The following CCDC60 variants were observed in gnomAD, a reference collection of about 807,000 sequenced individuals.
CCDC60 encodes the protein coiled-coil domain-containing protein 60.
A neutral mutation model predicts 63.5 loss-of-function variants in CCDC60; 54 were observed. That is an observed-to-expected ratio of 0.85 (90% CI 0.68 to 1.07). The LOEUF (loss-of-function observed/expected upper bound fraction) is 1.07. Among genes scored for constraint, CCDC60 ranks in the 50% least tolerant of loss-of-function variants. The probability of loss-of-function intolerance (pLI) is 0.00; values close to 1 mark genes in which losing one functional copy is unlikely to be tolerated. For missense variants in CCDC60, 651 were observed against 684.3 expected, an observed-to-expected ratio of 0.95 and a Z score of 0.54; for synonymous variants, 206 against 238.8, an observed-to-expected ratio of 0.86 and a Z score of 1.27.
At chr12:119,374,411 T>C (rs556805031) in intron 1 of CCDC60, among the ~76,000 whole-genome samples, 89 of 152,284 alleles carry the variant, frequency 5.8e-4, no homozygotes, top group Admixed American at 1.1e-3. Flanking sequence ...TTGCTCAACT[T>C]CAGAGGTAGT....
chr12:119,396,709 G>GTCTC, intron 1 of CCDC60, among the ~76,000 whole-genome samples: 1 of 152,288 alleles, frequency 6.6e-6, no homozygotes, highest in African/African-American at 2.4e-5. Flanking sequence ...GCAAGACCCA[G>GTCTC]TCTCTACAAA....
At chr12:119,490,185 C>CAACCCCCA (rs1284774639) in intron 5 of CCDC60, among the ~76,000 whole-genome samples, 1 of 152,166 alleles carries the variant, frequency 6.6e-6, no homozygotes, top group Non-Finnish European at 1.5e-5. Flanking sequence ...TCTCTTACAC[C>CAACCCCCA]AGGACCCAGA....
At chr12:119,448,665 C>T (rs1156689571) in intron 2 of CCDC60, among the ~76,000 whole-genome samples, 1 of 151,964 alleles carries the variant, frequency 6.6e-6, no homozygotes, top group East Asian at 1.9e-4. Flanking sequence ...ACAAGAATGG[C>T]GGTGGGGAGG....
intron 5 of CCDC60, among the ~76,000 whole-genome samples, chr12:119,493,584 C>A (rs923788926): frequency 3.3e-5 from 5 of 151,826 alleles, no homozygotes; most frequent in African/African-American, 1.2e-4. Flanking sequence ...GCAATTTAAA[C>A]ACATTATCAC....
chr12:119,383,537 C>T (rs561796439), intron 1 of CCDC60, among the ~76,000 whole-genome samples: 4 of 152,198 alleles, frequency 2.6e-5, no homozygotes, highest in East Asian at 1.9e-4. Context: ...ACTCTAGGGC[C>T]GCGACAGCTA....
chr12:119,499,794 G>C (rs1951803850), intron 5 of CCDC60, among the ~76,000 whole-genome samples: 1 of 152,086 alleles, frequency 6.6e-6, no homozygotes, highest in African/African-American at 2.4e-5. Flanking sequence ...AGGATTCTAG[G>C]AGAGGACCGA....
chr12:119,405,966 G>A (rs1956480868), intron 1 of CCDC60, among the ~76,000 whole-genome samples: 1 of 152,156 alleles, frequency 6.6e-6, no homozygotes, highest in African/African-American at 2.4e-5. Context: ...GAGATCAGGA[G>A]TTCGAGACCA....
intron 1 of CCDC60, among the ~76,000 whole-genome samples, chr12:119,336,599 G>A (rs1274180151): frequency 6.6e-6 from 1 of 152,188 alleles, no homozygotes; most frequent in Non-Finnish European, 1.5e-5. Context: ...CAAAGGCTAG[G>A]TTTGCCACGC....
intron 1 of CCDC60, among the ~76,000 whole-genome samples, chr12:119,397,507 C>T (rs560065446): frequency 6.6e-6 from 1 of 151,740 alleles, no homozygotes; most frequent in South Asian, 2.1e-4. Context: ...CAAGTCCTCA[C>T]CAGATTAGCT....
chr12:119,375,925 A>T (rs1013516028), intron 1 of CCDC60, among the ~76,000 whole-genome samples: 3 of 152,156 alleles, frequency 2.0e-5, no homozygotes, highest in Non-Finnish European at 4.4e-5. Flanking sequence ...ACAAACGTGG[A>T]GCCACCTAAT....
At chr12:119,387,558 A>G (rs934632477) in intron 1 of CCDC60, among the ~76,000 whole-genome samples, 13 of 152,356 alleles carry the variant, frequency 8.5e-5, no homozygotes, top group African/African-American at 2.9e-4. Flanking sequence ...TTTTATGTAT[A>G]TGATGTGATT....
At chr12:119,455,039 C>T (rs557995589) in intron 2 of CCDC60, among the ~76,000 whole-genome samples, 2 of 152,358 alleles carry the variant, frequency 1.3e-5, no homozygotes, top group East Asian at 3.9e-4. Flanking sequence ...CCAGAAGCCT[C>T]TTTAAATGAC....
chr12:119,479,204 A>T lies in CCDC60; in HGVS notation c.449+3A>T. The T allele has an allele frequency of 6.2e-7, 1 of 1,604,830 alleles. No homozygotes were observed. The highest frequency in any genetic ancestry group is 1.1e-5 in the South Asian group (1 of 90,840). ...CCCTCGCTAACCGAGGCTCACGTGT[A>T]AGTAGTCTCACCTCCAGCTCATTTG... On this transcript the variant is annotated splice_donor_region_variant and intron_variant, in intron 4 of 13. Transcript: ENST00000327554.
chr12:119,459,722 C>G (rs1460763850), intron 2 of CCDC60, among the ~76,000 whole-genome samples: 3 of 152,152 alleles, frequency 2.0e-5, no homozygotes, highest in East Asian at 1.9e-4. Context: ...CTTGTGCCCC[C>G]CAACCAGGAA....
intron 2 of CCDC60, among the ~76,000 whole-genome samples, chr12:119,449,713 G>A (rs550083624): frequency 1.3e-5 from 2 of 152,328 alleles, no homozygotes; most frequent in South Asian, 4.1e-4. Flanking sequence ...GCTCAGTCTA[G>A]TGGTGGGTGT....
At chr12:119,439,302 A>AGAGT (rs1950392967) in intron 2 of CCDC60, among the ~76,000 whole-genome samples, 1 of 152,256 alleles carries the variant, frequency 6.6e-6, no homozygotes, top group African/African-American at 2.4e-5. Context: ...TGTGAGAGAC[A>AGAGT]GAGTGTGTGT....
chr12:119,384,711 G>A (rs1593007120), intron 1 of CCDC60, among the ~76,000 whole-genome samples: 1 of 152,222 alleles, frequency 6.6e-6, no homozygotes, highest in Non-Finnish European at 1.5e-5. Flanking sequence ...CAACTTGTTG[G>A]ACATCCTTAG....
intron 2 of CCDC60, among the ~76,000 whole-genome samples, chr12:119,452,180 G>A (rs761152885): frequency 7.9e-5 from 12 of 152,228 alleles, no homozygotes; most frequent in East Asian, 1.9e-4. Context: ...ATCTATGGGC[G>A]TATCCTACAC....
At chr12:119,364,557 G>A (rs774485217) in intron 1 of CCDC60, among the ~76,000 whole-genome samples, 3 of 152,016 alleles carry the variant, frequency 2.0e-5, no homozygotes, top group African/African-American at 4.8e-5. Flanking sequence ...CATATCAGTG[G>A]CCTGCTCTCT....
Sources: gnomAD v4.1 joint callset for allele counts (sites outside exome capture counted in the v4.1 genomes callset) on GRCh38, gnomAD v4.1.1 for gene constraint, MANE v1.5 for transcripts, NCBI Gene and HGNC (gene_info 2026-07-23, HGNC 2026-07-21) for gene names.